The following NRG1 variants were observed in gnomAD, a reference collection of about 807,000 sequenced individuals.
NRG1 encodes pro-neuregulin-1, membrane-bound isoform.
A neutral mutation model predicts 63.8 loss-of-function variants in NRG1; 18 were observed. The observed-to-expected ratio is 0.28, with a 90% CI of 0.19 to 0.42. NRG1 has a LOEUF of 0.42. NRG1 is among the 10% of genes least tolerant of loss of function. The pLI, the probability that NRG1 is intolerant of heterozygous loss-of-function variation, is 1.00. For synonymous variants in NRG1, 302 were observed against 301.3 expected, an observed-to-expected ratio of 1.00 and a Z score of -0.02; for missense variants, 762 against 814.7, an observed-to-expected ratio of 0.94 and a Z score of 0.79.
chr8:32,647,852 T>C (rs376269995), intron 5 of NRG1: 19 of 1,613,926 alleles, frequency 1.2e-5, no homozygotes. Context: ...AGACTGAAGA[T>C]GGGAGAACCC....
intron 5 of NRG1, among the ~76,000 whole-genome samples, chr8:32,710,656 A>G (rs1817581853): frequency 6.6e-6 from 1 of 152,200 alleles, no homozygotes. Flanking sequence ...AAATGATGTT[A>G]ATCTGAATGA....
At chr8:31,981,345 G>A (rs1189991239) in intron 1 of NRG1, among the ~76,000 whole-genome samples, 11 of 152,092 alleles carry the variant, frequency 7.2e-5, no homozygotes, top group Admixed American at 3.3e-4. Context: ...CACTTGTAAT[G>A]GCTGGTAGTT....
chr8:32,173,537 C>T (rs949860020), intron 1 of NRG1, among the ~76,000 whole-genome samples: 11 of 152,228 alleles, frequency 7.2e-5, no homozygotes, highest in African/African-American at 2.6e-4. Context: ...TTAAAAGACA[C>T]AGACTGGCAG....
At chr8:32,620,313 GTGTT>G (rs1226844240) in intron 5 of NRG1, among the ~76,000 whole-genome samples, 13 of 152,154 alleles carry the variant, frequency 8.5e-5, no homozygotes, top group African/African-American at 3.1e-4. Flanking sequence ...AATGACATTG[GTGTT>G]TTCTAAAGTA....
At chr8:32,216,651 C>A (rs1320192490) in intron 1 of NRG1, among the ~76,000 whole-genome samples, 2 of 149,012 alleles carry the variant, frequency 1.3e-5, no homozygotes, top group Admixed American at 6.7e-5. Context: ...CCTAGGAGCA[C>A]AATAGAAATG....
chr8:32,375,298 C>T (rs533959822), intron 1 of NRG1, among the ~76,000 whole-genome samples: 2 of 152,142 alleles, frequency 1.3e-5, no homozygotes, highest in Admixed American at 1.3e-4. Context: ...TTTTAGACAG[C>T]TACCCCTCTG....
intron 1 of NRG1, among the ~76,000 whole-genome samples, chr8:32,394,695 T>A (rs12541483): frequency 0.13 from 20,420 of 152,166 alleles, 1,741 homozygotes; most frequent in Admixed American, 0.25. Flanking sequence ...TGAACTTACG[T>A]CTTTCTCCCT....
chr8:32,492,729 C>T (rs1826747996), intron 1 of NRG1, among the ~76,000 whole-genome samples: 1 of 152,154 alleles, frequency 6.6e-6, no homozygotes, highest in South Asian at 2.1e-4. Context: ...CCCTGCCTTT[C>T]CATTGATTGG....
At chr8:32,704,287 A>G (rs910840021) in intron 5 of NRG1, among the ~76,000 whole-genome samples, 1 of 152,210 alleles carries the variant, frequency 6.6e-6, no homozygotes, top group East Asian at 1.9e-4. Context: ...AGCTGGATTA[A>G]GTGAATTTAG....
At chr8:32,333,432 GT>G (rs1802887081) in intron 1 of NRG1, among the ~76,000 whole-genome samples, 1 of 152,114 alleles carries the variant, frequency 6.6e-6, no homozygotes, top group African/African-American at 2.4e-5. Context: ...TAACCCTGGT[GT>G]TTGTGACATT....
chr8:32,748,696 T>C lies in NRG1; in HGVS notation c.692-5676T>C, dbSNP rs199996955. On this transcript the variant is annotated intron_variant, in intron 7 of 11. Transcript: ENST00000356819. Reference sequence around the variant, plus strand: ...ATGGGAGTCCAGCATTCTGGAGAAGTGATTTCACTGGCTCTCTGTGATTTA... The same window carrying C: ...ATGGGAGTCCAGCATTCTGGAGAAGCGATTTCACTGGCTCTCTGTGATTTA... 712 of 456,312 alleles carry C rather than the reference T, an allele frequency of 1.6e-3. 2 individuals carry two copies. Among genetic ancestry groups the C allele is most frequent in the South Asian group, 3.5e-3 (224 of 64,548 alleles). 28.3% of individuals were successfully genotyped at this position (456,312 alleles called of 1,614,324 possible).
chr8:32,454,982 T>C (rs956803575), intron 1 of NRG1, among the ~76,000 whole-genome samples: 19 of 152,326 alleles, frequency 1.2e-4, no homozygotes, highest in Middle Eastern at 3.4e-3. Context: ...TCTCTAGTGC[T>C]CAGTACAGTG....
At chr8:32,323,585 A>C (rs1801662927) in intron 1 of NRG1, among the ~76,000 whole-genome samples, 1 of 152,230 alleles carries the variant, frequency 6.6e-6, no homozygotes, top group African/African-American at 2.4e-5. Context: ...TGAGCTCTAA[A>C]TGATAAAACG....
intron 1 of NRG1, among the ~76,000 whole-genome samples, chr8:32,293,958 T>C (rs1854533563): frequency 6.6e-6 from 1 of 152,120 alleles, no homozygotes; most frequent in African/African-American, 2.4e-5. Flanking sequence ...CCTCAGGTTA[T>C]CAGCCCACCT....
intron 1 of NRG1, among the ~76,000 whole-genome samples, chr8:31,932,885 G>T (rs771436596): frequency 7.2e-5 from 11 of 152,260 alleles, no homozygotes; most frequent in Non-Finnish European, 1.3e-4. Context: ...ACTTGTTTAT[G>T]TGTAGTATAT....
At chr8:31,734,810 T>C (rs1178869570) in intron 1 of NRG1, among the ~76,000 whole-genome samples, 1 of 152,196 alleles carries the variant, frequency 6.6e-6, no homozygotes, top group Non-Finnish European at 1.5e-5. Context: ...CTACCTTAGA[T>C]ACACATACCC....
At chr8:32,331,739 G>T (rs148744652) in intron 1 of NRG1, among the ~76,000 whole-genome samples, 13 of 152,234 alleles carry the variant, frequency 8.5e-5, no homozygotes, top group Non-Finnish European at 1.8e-4. Flanking sequence ...TAGGACAGTG[G>T]CGTGTGATTA....
At chr8:32,529,967 G>A (rs555659147) in intron 1 of NRG1, among the ~76,000 whole-genome samples, 68 of 152,292 alleles carry the variant, frequency 4.5e-4, no homozygotes, top group Admixed American at 4.2e-3. Flanking sequence ...ATTATGTACT[G>A]TGCATAATTG....
At chr8:32,119,377 C>T (rs1365665878) in intron 1 of NRG1, among the ~76,000 whole-genome samples, 1 of 152,098 alleles carries the variant, frequency 6.6e-6, no homozygotes, top group East Asian at 1.9e-4. Flanking sequence ...TTAGCTGATA[C>T]ACACAGTTGC....
Sources: gnomAD v4.1 joint callset for allele counts (sites outside exome capture counted in the v4.1 genomes callset) on GRCh38, gnomAD v4.1.1 for gene constraint, MANE v1.5 for transcripts, NCBI Gene and HGNC (gene_info 2026-07-23, HGNC 2026-07-21) for gene names.